CACNA1A: variants seen among roughly 807,000 people sequenced by gnomAD.
CACNA1A encodes voltage-dependent P/Q-type calcium channel subunit alpha-1A.
A neutral mutation model predicts 262.4 loss-of-function variants in CACNA1A; 57 were observed. The ratio of observed to expected loss-of-function variants is 0.22; its 90% CI spans 0.18 to 0.27. The LOEUF (loss-of-function observed/expected upper bound fraction) is 0.27, where lower values mean the gene tolerates loss of function less well. CACNA1A is among the 10% of genes least tolerant of loss of function. The pLI is 1.00. For missense variants in CACNA1A, 2,526 were observed against 3,562.8 expected (o/e 0.71, Z 7.41); for synonymous variants, 1,431 against 1,419.3 (o/e 1.01, Z -0.18).
chr19:13,208,986 T>C lies in CACNA1A; in HGVS notation c.6550A>G (p.Thr2184Ala), dbSNP rs1028538547. 3.6e-5 allele frequency: 56 copies of C among 1,537,102 alleles called. No homozygotes were observed. Among genetic ancestry groups the C allele is most frequent in the Non-Finnish European group, 4.8e-5 (55 of 1,146,878 alleles). ...DTGLGTDLSM[T>A]TQSGDLPSKE... ...GACGGCAGGTCCCCGGATTGGGTGG[T>C]CATGCTCAGGTCTGTCCCCAAGCCT... Residue 2184 changes from threonine to alanine, a missense_variant, in exon 46 of 47, where the codon ACC becomes GCC. Thr to Ala is a moderately conservative substitution (Grantham distance 58). Transcript: ENST00000360228.
chr19:13,472,113 C>G (rs1405703962), intron 1 of CACNA1A, among the ~76,000 whole-genome samples: 1 of 151,968 alleles, frequency 6.6e-6, no homozygotes, highest in South Asian at 2.1e-4. Context: ...CAGGTGCACA[C>G]TATCACACCC....
intron 2 of CACNA1A, among the ~76,000 whole-genome samples, chr19:13,454,061 A>T (rs915430850): frequency 1.3e-5 from 2 of 151,768 alleles, no homozygotes; most frequent in African/African-American, 4.8e-5. Context: ...CAGGCTAAGG[A>T]TTGACTGATG....
At chr19:13,269,325 A>G (rs2056956531) in intron 24 of CACNA1A, among the ~76,000 whole-genome samples, 1 of 152,238 alleles carries the variant, frequency 6.6e-6, no homozygotes. Flanking sequence ...CTAGAGAAAA[A>G]GAGTGACCTG....
In CACNA1A at chr19:13,435,949, C is replaced by T. The variant is rs753489456; in HGVS notation, c.539+16927G>A. Among the ~76,000 whole-genome samples the T allele has an allele frequency of 5.9e-5, 9 of 152,098 alleles. No homozygotes were observed. The South Asian group carries it at 8.3e-4, about 14-fold the overall frequency. ...AGGTGATTCTCATGCCTCAGCCTCC[C>T]GAGTAGCTGAGATTACAGGGATGCA... On this transcript the variant is annotated intron_variant, in intron 3 of 46. Coordinates refer to ENST00000360228, the MANE Select transcript of CACNA1A (RefSeq NM_001127222.2).
chr19:13,398,161 G>C (rs892469647), intron 3 of CACNA1A, among the ~76,000 whole-genome samples: 5 of 151,902 alleles, frequency 3.3e-5, no homozygotes, highest in Non-Finnish European at 7.4e-5. Flanking sequence ...TACTGGGGAG[G>C]CTGAGTCAGG....
intron 7 of CACNA1A, 56 bp from the exon 8 acceptor site, chr19:13,334,549 TTGTGTGTGTGTTTGTG>T (rs1485858835): frequency 6.8e-5 from 49 of 724,696 alleles, no homozygotes; most frequent in Admixed American, 1.3e-4. Context: ...TAGGAAACGT[TTGTGTGTGTGTTTGTG>T]TGTGTGTGTG....
chr19:13,281,041 G>T lies in CACNA1A; in HGVS notation c.3822+2226C>A, dbSNP rs569837379. On this transcript the variant is annotated intron_variant, in intron 22 of 46. Coordinates refer to ENST00000360228, the MANE Select transcript of CACNA1A (RefSeq NM_001127222.2). ...AGTGTCTCATTTATTGAATGTTACAGAAGAGCAAACATAAATTCAGTTTTT... is the reference window on the plus strand; with the variant it reads ...AGTGTCTCATTTATTGAATGTTACATAAGAGCAAACATAAATTCAGTTTTT... 9.2e-5 allele frequency among the ~76,000 whole-genome samples: 14 copies of T among 151,848 alleles called. No individual in the cohort carries two copies. In the South Asian group the frequency reaches 2.9e-3, roughly 32 times the overall value.
chr19:13,335,715 T>C (rs1218720869), intron 7 of CACNA1A, 91 bp downstream of exon 7: 1 of 847,478 alleles, frequency 1.2e-6, no homozygotes, highest in Non-Finnish European at 2.0e-6. Flanking sequence ...CTCTGTCTAG[T>C]GAATGAAAAC....
At chr19:13,433,594 G>T (rs73925304) in intron 3 of CACNA1A, among the ~76,000 whole-genome samples, 2,763 of 152,022 alleles carry the variant, frequency 0.018, 85 homozygotes, top group African/African-American at 0.064. Context: ...GGTAGGCGGG[G>T]GATGCAGGTC....
intron 30 of CACNA1A, among the ~76,000 whole-genome samples, chr19:13,246,397 C>T (rs74881772): frequency 0.032 from 4,872 of 152,238 alleles, 248 homozygotes; most frequent in African/African-American, 0.11. Context: ...CCTCTCAACC[C>T]TGGGCTTGGC....
At chr19:13,393,466 G>A (rs1463876529) in intron 3 of CACNA1A, among the ~76,000 whole-genome samples, 1 of 151,928 alleles carries the variant, frequency 6.6e-6, no homozygotes, top group East Asian at 1.9e-4. Context: ...GCACAAGGGG[G>A]TTTCTAAACG....
In CACNA1A at chr19:13,208,975, G is replaced by A. The variant is rs371116746; in HGVS notation, c.6561C>T (p.Ser2187=). 463 of 1,537,406 alleles carry A rather than the reference G, an allele frequency of 3.0e-4. 2 individuals are homozygous for A. Among genetic ancestry groups the A allele is most frequent in the Admixed American group, 2.4e-4 (12 of 50,998 alleles). ...CCCGCTCCTTCGACGGCAGGTCCCCGGATTGGGTGGTCATGCTCAGGTCTG... is the reference window on the plus strand; with the variant it reads ...CCCGCTCCTTCGACGGCAGGTCCCCAGATTGGGTGGTCATGCTCAGGTCTG... ...LGTDLSMTTQ[S]GDLPSKERDQ... The change falls in exon 46 of 47, where the codon TCC becomes TCT. Residue 2187 remains serine, a synonymous_variant. Transcript: ENST00000360228.
chr19:13,497,488 CAAAAAAAAAAAAAAAAAAAAAA>C (rs59964256), intron 1 of CACNA1A, among the ~76,000 whole-genome samples: 6 of 3,986 alleles, frequency 1.5e-3, no homozygotes, highest in African/African-American at 6.3e-3. Context: ...AACTCCATCT[CAAAAAAAAAAAAAAAAAAAAAA>C]AAAAAAAAAA....
intron 3 of CACNA1A, among the ~76,000 whole-genome samples, chr19:13,438,196 C>A (rs1009888825): frequency 3.3e-5 from 5 of 152,162 alleles, no homozygotes; most frequent in South Asian, 2.1e-4. Flanking sequence ...GGAAAGGAAT[C>A]TGAAAATATG....
In CACNA1A at chr19:13,378,751, C is replaced by G. The variant is rs535089503; in HGVS notation, c.540-6972G>C. 3.8e-3 allele frequency among the ~76,000 whole-genome samples: 573 copies of G among 151,900 alleles called. 3 individuals carry two copies. The highest frequency in any genetic ancestry group is 6.7e-3 in the Non-Finnish European group (457 of 67,934). ...AATCTCGGCTCACTGCAATCTCCCC[C>G]CCGCCTCCCAGGTTCAAGCAATTCT... On this transcript the variant is annotated intron_variant, in intron 3 of 46. Transcript: ENST00000360228.
chr19:13,250,035 C>T (rs898886836), intron 30 of CACNA1A, among the ~76,000 whole-genome samples: 3 of 152,048 alleles, frequency 2.0e-5, no homozygotes, highest in Non-Finnish European at 4.4e-5. Flanking sequence ...AAGTCCCAGC[C>T]CACTAGTATA....
chr19:13,480,218 C>T (rs1292466973), intron 1 of CACNA1A, among the ~76,000 whole-genome samples: 1 of 152,080 alleles, frequency 6.6e-6, no homozygotes, highest in African/African-American at 2.4e-5. Context: ...TCTTTCTGGC[C>T]TCCCCTTCCA....
intron 6 of CACNA1A, among the ~76,000 whole-genome samples, chr19:13,355,292 C>G (rs2058989718): frequency 6.6e-6 from 1 of 152,170 alleles, no homozygotes; most frequent in Admixed American, 6.5e-5. Context: ...AAGAAGGATC[C>G]TCCCCCGGAG....
intron 6 of CACNA1A, among the ~76,000 whole-genome samples, chr19:13,346,651 TATATATATATATA>T (rs2058783846): frequency 8.3e-4 from 5 of 6,026 alleles, no homozygotes; most frequent in African/African-American, 3.3e-3. Context: ...TATATATATA[TATATATATATATA>T]TATTTTTTTT....
Sources: gnomAD v4.1 joint callset for allele counts (sites outside exome capture counted in the v4.1 genomes callset) on GRCh38, gnomAD v4.1.1 for gene constraint, MANE v1.5 for transcripts, NCBI Gene and HGNC (gene_info 2026-07-23, HGNC 2026-07-21) for gene names.